Variants in ERICH6B observed in about 807,000 individuals in gnomAD.
ERICH6B encodes the protein glutamate rich 6B.
ERICH6B carries 69 observed loss-of-function variants against 80.0 expected under a neutral mutation model. The ratio of observed to expected loss-of-function variants is 0.86; its 90% CI spans 0.71 to 1.05. The LOEUF (loss-of-function observed/expected upper bound fraction) is 1.05. Among genes scored for constraint, ERICH6B ranks in the 50% least tolerant of loss-of-function variants. The probability of loss-of-function intolerance (pLI) is 0.00; values close to 1 mark genes in which losing one functional copy is unlikely to be tolerated. For synonymous variants in ERICH6B, 283 were observed against 291.9 expected, an observed-to-expected ratio of 0.97 and a Z score of 0.31; for missense variants, 754 against 796.1, an observed-to-expected ratio of 0.95 and a Z score of 0.64.
chr13:45,541,586 C>A lies in ERICH6B; in HGVS notation c.1967G>T (p.Gly656Val). Residue 656 changes from glycine to valine, a missense_variant, in exon 15 of 15, where the codon GGG (glycine) becomes GTG (valine). Transcript: ENST00000298738. Reference sequence around the variant, plus strand: ...GTAATTCAGGAGCCTATTCATTTTCCCCAGAAGGACCCGGATCTTCTGGGC... The same window carrying A: ...GTAATTCAGGAGCCTATTCATTTTCACCAGAAGGACCCGGATCTTCTGGGC... ...PTAQKIRVLLGKMNRLLNYAT... is the reference protein window; with the variant it reads ...PTAQKIRVLLVKMNRLLNYAT... 6.4e-7 allele frequency: 1 copy of A among 1,551,812 alleles called. No individual in the cohort carries two copies. The highest frequency in any genetic ancestry group is 1.4e-5 in the African/African-American group (1 of 73,126).
intron 3 of ERICH6B, among the ~76,000 whole-genome samples, chr13:45,594,239 T>C (rs1876272026): frequency 2.0e-5 from 3 of 152,258 alleles, no homozygotes; most frequent in Admixed American, 6.5e-5. Context: ...CAAGACATTC[T>C]TTCATGAGCC....
At chr13:45,542,880 T>C (rs771407444) in intron 14 of ERICH6B, among the ~76,000 whole-genome samples, 1 of 152,244 alleles carries the variant, frequency 6.6e-6, no homozygotes, top group Non-Finnish European at 1.5e-5. Flanking sequence ...GAAAGTCCCA[T>C]GTCCCAGGAA....
intron 5 of ERICH6B, among the ~76,000 whole-genome samples, chr13:45,585,097 G>A (rs1875843947): frequency 1.3e-5 from 2 of 152,086 alleles, no homozygotes; most frequent in Admixed American, 1.3e-4. Flanking sequence ...GGTTCATTTG[G>A]GACTTTCATC....
chr13:45,575,986 G>A (rs374240478), intron 7 of ERICH6B, among the ~76,000 whole-genome samples: 6 of 152,226 alleles, frequency 3.9e-5, no homozygotes, highest in Non-Finnish European at 7.3e-5. Context: ...AGCCCCTCTG[G>A]AGAGCCTGGG....
chr13:45,557,645 A>G (rs1388309169), intron 11 of ERICH6B, among the ~76,000 whole-genome samples: 2 of 152,306 alleles, frequency 1.3e-5, no homozygotes, highest in East Asian at 3.9e-4. Flanking sequence ...ATTCTCCTAC[A>G]TGTTGCTTGC....
intron 3 of ERICH6B, among the ~76,000 whole-genome samples, chr13:45,596,100 G>C (rs1876356346): frequency 6.6e-6 from 1 of 152,210 alleles, no homozygotes; most frequent in South Asian, 2.1e-4. Flanking sequence ...TTTGGGGCAA[G>C]GCTATTGTAT....
At chr13:45,580,686 G>T (rs1202711913) in intron 5 of ERICH6B, 21 bp from the exon 6 acceptor site, 2 of 1,550,954 alleles carry the variant, frequency 1.3e-6, no homozygotes, top group Admixed American at 3.9e-5. Flanking sequence ...GCAGAAGAGG[G>T]TGGCTATTAA....
chr13:45,591,485 A>G (rs1226175998), intron 3 of ERICH6B, among the ~76,000 whole-genome samples: 1 of 152,034 alleles, frequency 6.6e-6, no homozygotes, highest in Non-Finnish European at 1.5e-5. Context: ...AGTCCCAGCT[A>G]CTCGGGAGGC....
At chr13:45,581,194 T>C (rs3014923) in intron 5 of ERICH6B, among the ~76,000 whole-genome samples, 49,194 of 152,062 alleles carry the variant, frequency 0.32, 9,023 homozygotes, top group East Asian at 0.59. Flanking sequence ...CTACTGTATA[T>C]ATATATTTAG....
Position 45,590,644 on chromosome 13 carries a change from G to A in ERICH6B, c.686+5C>T. 6.4e-7 allele frequency: 1 copy of A among 1,551,088 alleles called. No individual in the cohort carries two copies. The highest frequency in any genetic ancestry group is 8.7e-7 in the Non-Finnish European group (1 of 1,146,772). On this transcript the variant is annotated splice_donor_5th_base_variant and intron_variant, in intron 4 of 14. Transcript: ENST00000298738. ...ACCTGATTTATCCCAAAAGAAAACT[G>A]TTACCTTGCATCACGAAGAAGCATG...
intron 13 of ERICH6B, among the ~76,000 whole-genome samples, chr13:45,548,975 T>C (rs1173673994): frequency 1.3e-5 from 2 of 152,268 alleles, no homozygotes; most frequent in Middle Eastern, 3.4e-3. Flanking sequence ...AAGTATAAAG[T>C]TGATCCAAGA....
At chr13:45,573,881 G>T (rs1054510633) in intron 8 of ERICH6B, among the ~76,000 whole-genome samples, 1 of 152,152 alleles carries the variant, frequency 6.6e-6, no homozygotes, top group Non-Finnish European at 1.5e-5. Flanking sequence ...TTTCCAAAAT[G>T]CCTGAGTTTA....
At chr13:45,543,323 G>C (rs968990807) in intron 14 of ERICH6B, among the ~76,000 whole-genome samples, 9 of 152,200 alleles carry the variant, frequency 5.9e-5, no homozygotes, top group Non-Finnish European at 1.3e-4. Context: ...AGGTGGAACT[G>C]TGTCCCCCAA....
At chr13:45,595,579 G>A (rs2209508) in intron 3 of ERICH6B, among the ~76,000 whole-genome samples, 1,630 of 151,854 alleles carry the variant, frequency 0.011, 26 homozygotes, top group African/African-American at 0.037. Context: ...AATCAAAAGT[G>A]TGGAAAGTGA....
intron 10 of ERICH6B, among the ~76,000 whole-genome samples, chr13:45,562,457 CT>C (rs1874724844): frequency 6.6e-6 from 1 of 152,158 alleles, no homozygotes; most frequent in African/African-American, 2.4e-5. Context: ...GTAAGGACAA[CT>C]GAAAAACAAG....
At chr13:45,579,816 C>T (rs1875579893) in intron 7 of ERICH6B, 117 bp downstream of exon 7, 2 of 1,007,144 alleles carry the variant, frequency 2.0e-6, no homozygotes, top group Non-Finnish European at 3.0e-6. Flanking sequence ...CCTCAGTCCC[C>T]TCTGGGCCCT....
chr13:45,578,763 C>T (rs144570443), intron 7 of ERICH6B, among the ~76,000 whole-genome samples: 2,163 of 152,308 alleles, frequency 0.014, 21 homozygotes, highest in Middle Eastern at 0.041. Flanking sequence ...GTTAAAAAGA[C>T]CAAATCTGGC....
chr13:45,592,639 C>T (rs1876202523), intron 3 of ERICH6B, among the ~76,000 whole-genome samples: 2 of 152,148 alleles, frequency 1.3e-5, no homozygotes, highest in South Asian at 4.1e-4. Flanking sequence ...TGTATTGTGA[C>T]ATCTCTATAG....
At chr13:45,597,121 T>A in intron 2 of ERICH6B, 58 bp from the exon 3 acceptor site, 1 of 1,195,506 alleles carries the variant, frequency 8.4e-7, no homozygotes, top group Non-Finnish European at 1.2e-6. Context: ...GCATATTGAT[T>A]TAATTCCATT....
Sources: gnomAD v4.1 joint callset for allele counts (sites outside exome capture counted in the v4.1 genomes callset) on GRCh38, gnomAD v4.1.1 for gene constraint, MANE v1.5 for transcripts, NCBI Gene and HGNC (gene_info 2026-07-23, HGNC 2026-07-21) for gene names.